Variants in WWC1 observed in about 807,000 individuals in gnomAD.
WWC1 encodes the protein protein KIBRA.
In WWC1, 55 loss-of-function variants were observed where a neutral mutation model predicts 138.4. The ratio of observed to expected loss-of-function variants is 0.40; its 90% CI spans 0.32 to 0.50. The LOEUF is 0.50. Among genes scored for constraint, WWC1 ranks in the 20% least tolerant of loss-of-function variants. WWC1 has a pLI of 0.72. For missense variants in WWC1, 1,226 were observed against 1,420.4 expected (o/e 0.86, Z 2.20); for synonymous variants, 524 against 564.9 (o/e 0.93, Z 1.03).
At chr5:168,314,880 T>C (rs1771438632) in intron 1 of WWC1, among the ~76,000 whole-genome samples, 1 of 152,134 alleles carries the variant, frequency 6.6e-6, no homozygotes, top group Non-Finnish European at 1.5e-5. Context: ...CCATCAGGGA[T>C]TAGGACACTG....
chr5:168,383,196 GAAAAGAA>G (rs1582105603), intron 2 of WWC1, among the ~76,000 whole-genome samples: 2 of 148,310 alleles, frequency 1.3e-5, no homozygotes, highest in East Asian at 4.0e-4. Context: ...AAAAAAAAAA[GAAAAGAA>G]AAAAGAAAAA....
chr5:168,443,206 A>G (rs553795152), intron 16 of WWC1, among the ~76,000 whole-genome samples: 5 of 152,310 alleles, frequency 3.3e-5, no homozygotes, highest in Admixed American at 1.3e-4. Flanking sequence ...TAGAATTTCA[A>G]TGGAGCGGAT....
intron 9 of WWC1, 61 bp from the exon 10 acceptor site, chr5:168,421,947 G>A: frequency 2.8e-6 from 4 of 1,450,978 alleles, no homozygotes; most frequent in African/African-American, 2.8e-5. Flanking sequence ...GTGTACATGG[G>A]TAAGAGTGCA....
At chr5:168,394,624 G>A (rs1778757299) in intron 3 of WWC1, among the ~76,000 whole-genome samples, 2 of 152,172 alleles carry the variant, frequency 1.3e-5, no homozygotes, top group Non-Finnish European at 2.9e-5. Flanking sequence ...TACTCGGGAG[G>A]CTGAGGCAGG....
intron 1 of WWC1, among the ~76,000 whole-genome samples, chr5:168,360,215 G>A (rs1350050743): frequency 1.3e-5 from 2 of 152,244 alleles, no homozygotes; most frequent in Non-Finnish European, 2.9e-5. Flanking sequence ...TCAGTTGTAA[G>A]ATGTCAGTAG....
At chr5:168,430,487 C>T (rs1457711870) in intron 14 of WWC1, among the ~76,000 whole-genome samples, 1 of 152,246 alleles carries the variant, frequency 6.6e-6, no homozygotes, top group Non-Finnish European at 1.5e-5. Flanking sequence ...CTGCTGCATG[C>T]CAGCTCTAGG....
intron 1 of WWC1, among the ~76,000 whole-genome samples, chr5:168,310,502 T>C (rs1006256873): frequency 4.0e-5 from 6 of 151,788 alleles, no homozygotes; most frequent in African/African-American, 7.3e-5. Flanking sequence ...TTTATAGATA[T>C]ATATAAAATA....
chr5:168,418,364 G>A (rs1419977767), intron 9 of WWC1, among the ~76,000 whole-genome samples: 1 of 152,194 alleles, frequency 6.6e-6, no homozygotes, highest in Non-Finnish European at 1.5e-5. Flanking sequence ...GCCCACCCCA[G>A]GGACCGATTC....
chr5:168,385,239 A>C lies in WWC1; in HGVS notation c.258A>C (p.Val86=), dbSNP rs955187984. ...TKTTQIEDPR[V]QWRREQEHML... is the part of the protein sequence containing the mutation. ...CCACTCAGATTGAGGATCCTCGAGT[A>C]CAATGGCGGCGGGAGCAGGAACATA... is the stretch of plus-strand genomic sequence containing the variant. Residue 86 remains valine, a synonymous_variant, in exon 3 of 23, where the codon GTA becomes GTC. Coordinates refer to ENST00000265293, the MANE Select transcript of WWC1 (RefSeq NM_015238.3). 6.2e-7 allele frequency: 1 copy of C among 1,614,200 alleles called. No individual in the cohort carries two copies. Among genetic ancestry groups the C allele is most frequent in the African/African-American group, 1.3e-5 (1 of 75,048 alleles).
chr5:168,416,832 T>C (rs1780694782), intron 9 of WWC1, among the ~76,000 whole-genome samples: 1 of 152,192 alleles, frequency 6.6e-6, no homozygotes, highest in Admixed American at 6.5e-5. Flanking sequence ...CAAAACTACA[T>C]ACAATGAAAC....
In WWC1 at chr5:168,459,944, A is replaced by G. The variant is rs537447734; in HGVS notation, c.2824-706A>G. ...CTTGCGCTCCTTAGGGGTGGGACAC[A>G]TTCTCAATATAGAAGCTTCCCATCC... On this transcript the variant is annotated intron_variant, in intron 19 of 22. Transcript: ENST00000265293. 2.5e-4 allele frequency among the ~76,000 whole-genome samples: 38 copies of G among 152,158 alleles called. No homozygotes were observed. The East Asian group carries it at 6.8e-3, about 27-fold the overall frequency.
chr5:168,428,201 A>G, intron 12 of WWC1, 60 bp downstream of exon 12: 1 of 1,532,878 alleles, frequency 6.5e-7, no homozygotes, highest in Non-Finnish European at 8.9e-7. Context: ...CTGAATATCC[A>G]GAGCCTAGGC....
chr5:168,345,295 G>T (rs1431937287), intron 1 of WWC1, among the ~76,000 whole-genome samples: 1 of 152,144 alleles, frequency 6.6e-6, no homozygotes, highest in Non-Finnish European at 1.5e-5. Flanking sequence ...AATAGAGACA[G>T]GGTTTTGCCA....
intron 1 of WWC1, among the ~76,000 whole-genome samples, chr5:168,296,873 T>G (rs549330022): frequency 6.6e-6 from 1 of 152,322 alleles, no homozygotes; most frequent in South Asian, 2.1e-4. Flanking sequence ...TCAAGACCAC[T>G]GCTCCAGTGC....
At chr5:168,342,870 C>G (rs757518280) in intron 1 of WWC1, among the ~76,000 whole-genome samples, 2 of 152,172 alleles carry the variant, frequency 1.3e-5, no homozygotes, top group Non-Finnish European at 2.9e-5. Flanking sequence ...GGGGGCCCCT[C>G]AAGCTGTTCC....
chr5:168,429,667 C>T (rs758556099), intron 13 of WWC1, among the ~76,000 whole-genome samples: 1 of 151,864 alleles, frequency 6.6e-6, no homozygotes, highest in Non-Finnish European at 1.5e-5. Context: ...GGTGTGGTGG[C>T]TCACACCTTT....
At chr5:168,466,410 G>A (rs1016932021) in intron 21 of WWC1, among the ~76,000 whole-genome samples, 2 of 152,308 alleles carry the variant, frequency 1.3e-5, no homozygotes, top group South Asian at 2.1e-4. Flanking sequence ...ACTTTTGCTA[G>A]TTCTCTGTGC....
chr5:168,346,119 G>A (rs1281371713), intron 1 of WWC1, among the ~76,000 whole-genome samples: 1 of 151,952 alleles, frequency 6.6e-6, no homozygotes, highest in Non-Finnish European at 1.5e-5. Context: ...CCCAGCCCTG[G>A]CTCTCCCTCC....
Position 168,470,914 on chromosome 5 carries a change from T to A in WWC1, c.*1897T>A, listed in dbSNP as rs548633047. 1 of 152,358 alleles carries A rather than the reference T, an allele frequency of 6.6e-6. No individual in the cohort carries two copies. The highest frequency in any genetic ancestry group is 6.5e-5 in the Admixed American group (1 of 15,304). The allele number at this position is 152,358 out of a possible 1,614,324, so 9.4% of individuals were successfully genotyped here. ...CCGCCCACCCTGGGACGGTCCCCAGTGCCAGTGTTTTACCCATGTTCCCTC... is the reference window on the plus strand; with the variant it reads ...CCGCCCACCCTGGGACGGTCCCCAGAGCCAGTGTTTTACCCATGTTCCCTC... On this transcript the variant is annotated 3_prime_UTR_variant, in exon 23 of 23. Transcript: ENST00000265293.
Sources: allele counts gnomAD v4.1 joint callset (sites outside exome capture counted in the v4.1 genomes callset), GRCh38; gene constraint gnomAD v4.1.1; transcripts MANE v1.5; gene names NCBI Gene and HGNC (gene_info 2026-07-23, HGNC 2026-07-21).